PM20D1: variants seen among roughly 807,000 people sequenced by gnomAD.
PM20D1 encodes the protein N-fatty-acyl-amino acid synthase/hydrolase PM20D1.
A neutral mutation model predicts 53.8 loss-of-function variants in PM20D1; 53 were observed. That is an observed-to-expected ratio of 0.98 (90% CI 0.79 to 1.24). The LOEUF is 1.24. Among genes scored for constraint, PM20D1 ranks in the 50% most tolerant of loss-of-function variants. PM20D1 has a pLI of 0.00. For missense variants in PM20D1, 564 were observed against 616.8 expected (o/e 0.91, Z 0.91); for synonymous variants, 239 against 241.3 (o/e 0.99, Z 0.09).
chr1:205,840,141 T>C (rs1379384767), intron 10 of PM20D1, 111 bp downstream of exon 10: 3 of 838,836 alleles, frequency 3.6e-6, no homozygotes, highest in Non-Finnish European at 5.2e-6. Context: ...AAAATGTTGG[T>C]TGAATAAATG....
chr1:205,832,293 GC>G (rs554804938), intron 11 of PM20D1, among the ~76,000 whole-genome samples: 1 of 152,156 alleles, frequency 6.6e-6, no homozygotes, highest in Non-Finnish European at 1.5e-5. Context: ...GAAGATCTTG[GC>G]CCCTTCTGTG....
At chr1:205,836,823 A>C (rs1331922729) in intron 10 of PM20D1, among the ~76,000 whole-genome samples, 2 of 152,048 alleles carry the variant, frequency 1.3e-5, no homozygotes, top group Non-Finnish European at 2.9e-5. Flanking sequence ...TTTTTTTGAC[A>C]ATGAATATAC....
rs147793394 is a variant in PM20D1 at position 205,850,022 on chromosome 1, T to C, written c.51A>G (p.Leu17=). The part of the protein sequence containing the change: ...CVLALVAMLL[L]VFPTVSRSMG... ...TCGATCTGGAGACGGTAGGGAAAAC[T>C]AGGAGCAGCATAGCCACCAGGGCCA... Residue 17 remains leucine, a synonymous_variant, in exon 1 of 13, where the codon CTA becomes CTG. Coordinates refer to ENST00000367136, the MANE Select transcript of PM20D1 (RefSeq NM_152491.5). The C allele has an allele frequency of 6.2e-6, 10 of 1,613,996 alleles. No homozygotes were observed. The highest frequency in any genetic ancestry group is 4.0e-5 in the African/African-American group (3 of 74,902).
chr1:205,845,592 G>T, intron 2 of PM20D1, 35 bp from the exon 3 acceptor site: 3 of 1,557,528 alleles, frequency 1.9e-6, no homozygotes, highest in South Asian at 1.1e-5. Context: ...GAGAACCAGG[G>T]TTAACAGTTT....
intron 12 of PM20D1, among the ~76,000 whole-genome samples, chr1:205,829,024 C>T (rs139978839): frequency 6.6e-6 from 1 of 152,264 alleles, no homozygotes; most frequent in East Asian, 1.9e-4. Context: ...ATAATTTGTC[C>T]TCCGGGAGAA....
intron 10 of PM20D1, among the ~76,000 whole-genome samples, chr1:205,839,638 G>T (rs1043145429): frequency 6.6e-6 from 1 of 152,028 alleles, no homozygotes; most frequent in African/African-American, 2.4e-5. Flanking sequence ...AAGGTCAGGA[G>T]ATCAAGACCA....
At chr1:205,828,764 T>G in intron 12 of PM20D1, 21 bp from the exon 13 acceptor site, 1 of 1,613,456 alleles carries the variant, frequency 6.2e-7, no homozygotes. Flanking sequence ...TAAGGTGCAT[T>G]TAGGGAAGGA....
rs764184601 is a variant in PM20D1 at position 205,828,609 on chromosome 1, GC to G, written c.*10del. The G allele has an allele frequency of 6.8e-6, 11 of 1,613,848 alleles. No homozygotes were observed. Among genetic ancestry groups the G allele is most frequent in the Non-Finnish European group, 9.3e-6 (11 of 1,179,958 alleles). ...GGGTCGGGCATGCCTAACCCAGCAGGCCCCTTGACCTCACAGTTTGTGCAGG... is the reference window on the plus strand; with the variant it reads ...GGGTCGGGCATGCCTAACCCAGCAGGCCCTTGACCTCACAGTTTGTGCAGG... On this transcript the variant is annotated 3_prime_UTR_variant, in exon 13 of 13. Transcript: ENST00000367136.
At chr1:205,840,224 G>A in intron 10 of PM20D1, 28 bp downstream of exon 10, 1 of 1,596,078 alleles carries the variant, frequency 6.3e-7, no homozygotes, top group Non-Finnish European at 8.6e-7. Flanking sequence ...TGCTGCATGA[G>A]TTGTTGTCTG....
intron 10 of PM20D1, among the ~76,000 whole-genome samples, chr1:205,837,832 AG>A (rs1368989337): frequency 6.6e-6 from 1 of 152,132 alleles, no homozygotes; most frequent in African/African-American, 2.4e-5. Context: ...GCCCTTGGAA[AG>A]GGCATGGAGT....
intron 10 of PM20D1, among the ~76,000 whole-genome samples, chr1:205,839,308 C>A (rs1026384150): frequency 2.6e-5 from 4 of 152,154 alleles, no homozygotes; most frequent in Non-Finnish European, 5.9e-5. Context: ...TTTTTTGACC[C>A]TAAGAAGTAG....
In PM20D1 at chr1:205,843,582, G is replaced by A. The variant is rs999388915; in HGVS notation, c.827+85C>T. On this transcript the variant is annotated intron_variant, in intron 6 of 12. Coordinates refer to ENST00000367136, the MANE Select transcript of PM20D1 (RefSeq NM_152491.5). Reference sequence around the variant, plus strand: ...TCCCAGCCCAACTTTAGGGCAGGAAGCTTAGCCTCCTCAAATTTAAAGTGG... The same window carrying A: ...TCCCAGCCCAACTTTAGGGCAGGAAACTTAGCCTCCTCAAATTTAAAGTGG... 3.3e-6 allele frequency: 5 copies of A among 1,531,548 alleles called. 1 individual carries two copies. In the South Asian group the frequency reaches 5.2e-5, roughly 16 times the overall value. 94.9% of individuals were successfully genotyped at this position (1,531,548 alleles called of 1,614,324 possible).
chr1:205,849,839 G>A (rs1657088228), intron 1 of PM20D1, 65 bp downstream of exon 1: 3 of 1,524,948 alleles, frequency 2.0e-6, no homozygotes, highest in Non-Finnish European at 2.7e-6. Flanking sequence ...GGGGAGTCAC[G>A]GGTTGACCTG....
At chr1:205,846,531 AATTATATTAAATT>A (rs1656988864) in intron 2 of PM20D1, among the ~76,000 whole-genome samples, 1 of 152,216 alleles carries the variant, frequency 6.6e-6, no homozygotes, top group Non-Finnish European at 1.5e-5. Flanking sequence ...GCATTAACCA[AATTATATTAAATT>A]ATTATATTAA....
Position 205,845,243 on chromosome 1 carries a change from C to T in PM20D1, c.489+82G>A, listed in dbSNP as rs1209473260. On this transcript the variant is annotated intron_variant, in intron 3 of 12. Transcript: ENST00000367136. ...GCCAAGATTCTTTTTACCATTATCT[C>T]CCACCTCCCAGGGTCAGCCAAGCAC... 6 of 1,375,076 alleles carry T rather than the reference C, an allele frequency of 4.4e-6. 2 individuals are homozygous for T. The Middle Eastern group carries it at 5.5e-4, about 125-fold the overall frequency. The allele number at this position is 1,375,076 out of a possible 1,614,324, so 85.2% of individuals were successfully genotyped here. A position where few individuals can be genotyped will look rare whatever the true frequency, so the allele number is the denominator to read the frequency against.
chr1:205,842,922 C>T lies in PM20D1; in HGVS notation c.828-171G>A, dbSNP rs574368756. ...CAACATTCTGAAGATCTCAAAACAT[C>T]CCCAGGAGCTTTCCCTGTCTACCAA... On this transcript the variant is annotated intron_variant, in intron 6 of 12. Transcript: ENST00000367136. Among the ~76,000 whole-genome samples, 5 of 152,270 alleles carry T rather than the reference C, an allele frequency of 3.3e-5. No individual in the cohort carries two copies. In the East Asian group the frequency reaches 9.7e-4, roughly 29 times the overall value.
At position 205,849,657 on chromosome 1, in the gene PM20D1, G is replaced by T. The variant is rs79856817; in HGVS notation, c.169+247C>A. 5.3e-3 allele frequency among the ~76,000 whole-genome samples: 799 copies of T among 152,140 alleles called. 4 individuals are homozygous for T. Among genetic ancestry groups the T allele is most frequent in the African/African-American group, 0.018 (762 of 41,518 alleles). ...ATGGACGGTGGTCACGCCAAGAGGG[G>T]TGAAGTTGGAGCTTCCAGGTTAGGC... On this transcript the variant is annotated intron_variant, in intron 1 of 12. Transcript: ENST00000367136.
In PM20D1 at chr1:205,842,179, A is replaced by G. The variant is rs761470572; in HGVS notation, c.940T>C (p.Trp314Arg). ...FPVNIILSNP[W>R]LFEPLISRFM... ...CTGCTTATAAGTGGTTCAAATAGCC[A>G]TGGGTTGCTCAGGATTATATTGACA... The change falls in exon 8 of 13, where the codon TGG (tryptophan) becomes CGG (arginine). Residue 314 changes from tryptophan (W) to arginine (R), a missense_variant. Trp to Arg is a moderately radical substitution (Grantham distance 101, BLOSUM62 -3). Transcript: ENST00000367136. 15 of 1,613,358 alleles carry G rather than the reference A, an allele frequency of 9.3e-6. No homozygotes were observed. The highest frequency in any genetic ancestry group is 2.2e-5 in the East Asian group (1 of 44,872).
At chr1:205,838,846 G>A (rs749432620) in intron 10 of PM20D1, among the ~76,000 whole-genome samples, 1 of 152,000 alleles carries the variant, frequency 6.6e-6, no homozygotes, top group Non-Finnish European at 1.5e-5. Context: ...CTTTTCTCTC[G>A]CTCCATACCC....
Sources: gnomAD v4.1 joint callset for allele counts (sites outside exome capture counted in the v4.1 genomes callset) on GRCh38, gnomAD v4.1.1 for gene constraint, MANE v1.5 for transcripts, NCBI Gene and HGNC (gene_info 2026-07-23, HGNC 2026-07-21) for gene names.